ZBTB40: variants seen among roughly 807,000 people sequenced by gnomAD.
The protein encoded by ZBTB40 is zinc finger and BTB domain containing 40.
Under a neutral mutation model 117.5 loss-of-function variants are expected in ZBTB40, and 60 were observed. The observed-to-expected ratio is 0.51, with a 90% CI of 0.41 to 0.63. The LOEUF (loss-of-function observed/expected upper bound fraction) is 0.63, where lower values mean the gene tolerates loss of function less well. ZBTB40 is among the 30% of genes least tolerant of loss of function. The pLI, the probability that ZBTB40 is intolerant of heterozygous loss-of-function variation, is 0.00. For missense variants in ZBTB40, 1,287 were observed against 1,498.5 expected (o/e 0.86, Z 2.33); for synonymous variants, 525 against 577.1 (o/e 0.91, Z 1.29).
intron 2 of ZBTB40, 78 bp downstream of exon 2, chr1:22,490,723 A>G (rs2124430912): frequency 6.5e-7 from 1 of 1,537,540 alleles, no homozygotes; most frequent in Non-Finnish European, 8.8e-7. Flanking sequence ...TAATAAATTT[A>G]TCAAAGACCA....
chr1:22,438,146 C>G (rs555087347), intron 1 of ZBTB40, among the ~76,000 whole-genome samples: 2 of 151,858 alleles, frequency 1.3e-5, no homozygotes, highest in Admixed American at 1.3e-4. Flanking sequence ...AAACAAAACC[C>G]AAAAAACTCT....
chr1:22,434,910 G>A (rs563419109), intron 1 of ZBTB40, among the ~76,000 whole-genome samples: 3 of 152,170 alleles, frequency 2.0e-5, no homozygotes, highest in African/African-American at 7.2e-5. Context: ...AGAAAAAAAC[G>A]TGTTGGTATG....
chr1:22,522,747 A>G (rs1171647623), intron 16 of ZBTB40, among the ~76,000 whole-genome samples: 1 of 150,726 alleles, frequency 6.6e-6, no homozygotes, highest in East Asian at 2.0e-4. Flanking sequence ...ATACAATTCC[A>G]GTTATAAGAT....
chr1:22,489,826 C>A, intron 1 of ZBTB40, 54 bp from the exon 2 acceptor site: 2 of 881,766 alleles, frequency 2.3e-6, no homozygotes, highest in Non-Finnish European at 3.7e-6. Context: ...TCATTCAAGG[C>A]CTTTCCCTAT....
chr1:22,521,833 G>C (rs1268977233), intron 15 of ZBTB40, among the ~76,000 whole-genome samples, 175 bp downstream of exon 15: 2 of 152,290 alleles, frequency 1.3e-5, no homozygotes, highest in Admixed American at 6.5e-5. Context: ...CAGCTTGAGT[G>C]GCAGTGGTTC....
intron 1 of ZBTB40, among the ~76,000 whole-genome samples, chr1:22,475,521 G>A (rs1449537646): frequency 1.3e-5 from 2 of 152,134 alleles, no homozygotes; most frequent in Admixed American, 6.5e-5. Flanking sequence ...TTAGGTCTGC[G>A]TTCATGTTTC....
chr1:22,512,005 A>G lies in ZBTB40; in HGVS notation c.2332A>G (p.Lys778Glu). 6.2e-7 allele frequency: 1 copy of G among 1,614,192 alleles called. No homozygotes were observed. Among genetic ancestry groups the G allele is most frequent in the South Asian group, 1.1e-5 (1 of 91,082 alleles). The change falls in exon 11 of 18, where the codon AAG becomes GAG. Residue 778 changes from lysine to glutamate, a missense_variant. This residue lies in a region of ZBTB40 where 870 missense variants were observed against 934.4 expected (regional missense o/e 0.93). Coordinates refer to ENST00000375647, the MANE Select transcript of ZBTB40 (RefSeq NM_014870.4). ...GGAGTGCAGTGAGACCAAGGATTCA[A>G]AGAAAGAGCTGGACAAACATCAGCT... The part of the protein sequence containing the change: ...CKECSETKDS[K>E]KELDKHQLEA...
At chr1:22,434,987 T>G (rs1362545828) in intron 1 of ZBTB40, among the ~76,000 whole-genome samples, 1 of 152,132 alleles carries the variant, frequency 6.6e-6, no homozygotes, top group Non-Finnish European at 1.5e-5. Context: ...GTGTTTCCGT[T>G]TGCTCGAGTT....
At position 22,502,414 on chromosome 1, in the gene ZBTB40, G is replaced by C; in HGVS notation, c.1140G>C (p.Glu380Asp). 6.2e-7 allele frequency: 1 copy of C among 1,614,074 alleles called. No homozygotes were observed. The highest frequency in any genetic ancestry group is 2.2e-5 in the East Asian group (1 of 44,870). Residue 380 changes from glutamate to aspartate, a missense_variant, in exon 5 of 18, where the codon GAG becomes GAC. Physicochemically the swap from Glu to Asp is conservative, Grantham distance 45. Coordinates refer to ENST00000375647, the MANE Select transcript of ZBTB40 (RefSeq NM_014870.4). Reference protein sequence around the residue: ...PIMESLETAKEEFLTGTEKRV... With the variant: ...PIMESLETAKDEFLTGTEKRV... The stretch of plus-strand genomic sequence containing the variant: ...TGGAGTCCCTGGAAACAGCCAAGGA[G>C]GAATTCCTGACTGGCACTGAAAAAA...
chr1:22,499,353 A>G (rs138420877), intron 3 of ZBTB40, among the ~76,000 whole-genome samples: 185 of 152,322 alleles, frequency 1.2e-3, no homozygotes, highest in African/African-American at 4.0e-3. Context: ...AACTTTTACC[A>G]TATTCTGCTT....
intron 4 of ZBTB40, among the ~76,000 whole-genome samples, chr1:22,502,007 A>G (rs988731901): frequency 9.8e-5 from 15 of 152,330 alleles, no homozygotes; most frequent in African/African-American, 3.4e-4. Context: ...TTAAGGCTGA[A>G]GTTTCTCTCA....
At chr1:22,481,289 A>C (rs1189435322) in intron 1 of ZBTB40, among the ~76,000 whole-genome samples, 1 of 152,132 alleles carries the variant, frequency 6.6e-6, no homozygotes, top group Non-Finnish European at 1.5e-5. Flanking sequence ...TTATTGCATT[A>C]ATCTCAGTAA....
intron 14 of ZBTB40, 103 bp from the exon 15 acceptor site, chr1:22,521,393 G>A (rs571316179): frequency 5.7e-5 from 83 of 1,459,520 alleles, no homozygotes; most frequent in South Asian, 3.6e-4. Flanking sequence ...TACTAGAAAC[G>A]TCAGCTTATC....
In ZBTB40 at chr1:22,511,941, G is replaced by A. The variant is rs1639249094; in HGVS notation, c.2268G>A (p.Lys756=). 3.1e-6 allele frequency: 5 copies of A among 1,614,222 alleles called. No individual in the cohort carries two copies. The highest frequency in any genetic ancestry group is 4.2e-6 in the Non-Finnish European group (5 of 1,180,046). Reference sequence around the variant, plus strand: ...ACTGCCGCCTAAAGGTGCACATGAAGCGCTGCCGGGTGGCTAAGAGCAAAC... The same window carrying A: ...ACTGCCGCCTAAAGGTGCACATGAAACGCTGCCGGGTGGCTAAGAGCAAAC... ...HFYCRLKVHM[K]RCRVAKSKQV... is the part of the protein sequence containing the mutation. The change falls in exon 11 of 18, where the codon AAG becomes AAA. Residue 756 remains lysine (K), a synonymous_variant. Transcript: ENST00000375647.
At chr1:22,467,103 A>T (rs1641274885) in intron 1 of ZBTB40, among the ~76,000 whole-genome samples, 1 of 152,158 alleles carries the variant, frequency 6.6e-6, no homozygotes, top group Admixed American at 6.5e-5. Flanking sequence ...AATATAGTGT[A>T]CATAAATATT....
intron 3 of ZBTB40, among the ~76,000 whole-genome samples, chr1:22,493,660 C>T (rs1023562101): frequency 4.6e-5 from 7 of 152,256 alleles, no homozygotes; most frequent in Admixed American, 3.3e-4. Context: ...TACCCATGCC[C>T]TGGGTAACCA....
At chr1:22,496,159 G>A (rs757030619) in intron 3 of ZBTB40, among the ~76,000 whole-genome samples, 18 of 152,192 alleles carry the variant, frequency 1.2e-4, no homozygotes, top group Non-Finnish European at 2.2e-4. Flanking sequence ...TCTGGAGGTT[G>A]AAAATTGTTT....
intron 13 of ZBTB40, among the ~76,000 whole-genome samples, chr1:22,517,825 G>T (rs572943765): frequency 6.6e-6 from 1 of 152,090 alleles, no homozygotes; most frequent in Non-Finnish European, 1.5e-5. Context: ...GCCTTTTCCC[G>T]TAGGAGCAGT....
chr1:22,481,931 ATATT>A (rs1024464870), intron 1 of ZBTB40, among the ~76,000 whole-genome samples: 55 of 151,270 alleles, frequency 3.6e-4, no homozygotes, highest in Non-Finnish European at 6.5e-4. Flanking sequence ...ATTAATTTAA[ATATT>A]TATTTAAATA....
Sources: gnomAD v4.1 joint callset for allele counts (sites outside exome capture counted in the v4.1 genomes callset) on GRCh38, gnomAD v4.1.1 for gene constraint, gnomAD v4.1.1 regional missense constraint, MANE v1.5 for transcripts, NCBI Gene and HGNC (gene_info 2026-07-23, HGNC 2026-07-21) for gene names.